Variants in ARAP2 observed in about 807,000 individuals in gnomAD.
ARAP2 encodes the protein arf-GAP with Rho-GAP domain, ANK repeat and PH domain-containing protein 2.
Under a neutral mutation model 194.5 loss-of-function variants are expected in ARAP2, and 148 were observed. The observed-to-expected ratio is 0.76, with a 90% confidence interval of 0.67 to 0.87. The LOEUF is 0.87. ARAP2 is among the 40% of genes least tolerant of loss of function. The pLI is 0.00. For synonymous variants in ARAP2, 695 were observed against 683.5 expected (o/e 1.02, Z -0.26); for missense variants, 2,128 against 1,989.7 (o/e 1.07, Z -1.32).
intron 5 of ARAP2, among the ~76,000 whole-genome samples, chr4:36,211,600 A>G (rs1248169977): frequency 1.3e-5 from 2 of 152,150 alleles, no homozygotes; most frequent in African/African-American, 2.4e-5. Flanking sequence ...AATGTTTACT[A>G]AAGATGTTTA....
Position 36,229,534 on chromosome 4 carries a change from G to C in ARAP2, c.-48C>G, listed in dbSNP as rs1560725227. On this transcript the variant is annotated 5_prime_UTR_variant, in exon 2 of 33. Transcript: ENST00000303965. ...TGAGTTACAAAAAGTGGCACGATGA[G>C]ACACACACACAAGAAGATGTACTTC... 2 of 1,421,038 alleles carry C rather than the reference G, an allele frequency of 1.4e-6. No individual in the cohort carries two copies. Among genetic ancestry groups the C allele is most frequent in the Non-Finnish European group, 1.9e-6 (2 of 1,037,536 alleles). 88.0% of individuals were successfully genotyped at this position (1,421,038 alleles called of 1,614,324 possible).
chr4:36,229,589 C>T lies in ARAP2; in HGVS notation c.-103G>A. 1 of 892,996 alleles carries T rather than the reference C, an allele frequency of 1.1e-6. No individual in the cohort carries two copies. The highest frequency in any genetic ancestry group is 1.7e-6 in the Non-Finnish European group (1 of 604,632). 55.3% of individuals were successfully genotyped at this position (892,996 alleles called of 1,614,324 possible). On this transcript the variant is annotated 5_prime_UTR_variant, in exon 2 of 33. Coordinates refer to ENST00000303965, the MANE Select transcript of ARAP2 (RefSeq NM_015230.4). ...CTGGCTTTTCCTCTATCAATTGTGA[C>T]AGAAAAGTTTCTTAAAATGTTATTT...
rs73125392 is a variant in ARAP2 at position 36,181,889 on chromosome 4, A to G, written c.1679-3884T>C. Among the ~76,000 whole-genome samples, 1,081 of 152,274 alleles carry G rather than the reference A, an allele frequency of 7.1e-3. 16 individuals carry two copies. The highest frequency in any genetic ancestry group is 0.025 in the African/African-American group (1,030 of 41,550). On this transcript the variant is annotated intron_variant, in intron 8 of 32. Transcript: ENST00000303965. ...ACACAAGATGGGGGGCCCAGGGAGT[A>G]TTATTTTGTACAGGATACATAAGAA...
At chr4:36,049,310 T>A (rs953942061) in intron 3 of ARAP2, among the ~76,000 whole-genome samples, 1 of 152,200 alleles carries the variant, frequency 6.6e-6, no homozygotes, top group South Asian at 2.1e-4. Flanking sequence ...AAAAGAAATG[T>A]ATTCAATCAT....
intron 2 of ARAP2, among the ~76,000 whole-genome samples, chr4:36,224,581 T>G (rs1057406880): frequency 4.6e-5 from 7 of 152,292 alleles, no homozygotes; most frequent in East Asian, 3.9e-4. Flanking sequence ...AATTTCAATT[T>G]TATACGTTTT....
chr4:36,080,560 G>A (rs986626780), intron 30 of ARAP2, among the ~76,000 whole-genome samples: 1 of 152,182 alleles, frequency 6.6e-6, no homozygotes, highest in African/African-American at 2.4e-5. Flanking sequence ...AAGGCAGAAA[G>A]ATTTATTTCA....
At chr4:36,166,910 A>C in intron 10 of ARAP2, 22 bp downstream of exon 10, 1 of 1,488,102 alleles carries the variant, frequency 6.7e-7, no homozygotes, top group African/African-American at 1.4e-5. Context: ...GTACGAACAC[A>C]AAATGTTTAA....
chr4:36,056,353 C>T (rs1723510637), intron 2 of ARAP2, among the ~76,000 whole-genome samples: 1 of 152,144 alleles, frequency 6.6e-6, no homozygotes. Flanking sequence ...TTTGTTGGAA[C>T]TGTAAAGAGT....
chr4:36,027,584 A>G (rs1168056866), intron 5 of ARAP2, among the ~76,000 whole-genome samples: 1 of 151,928 alleles, frequency 6.6e-6, no homozygotes, highest in Non-Finnish European at 1.5e-5. Context: ...AACCACAACA[A>G]TAACTACGAT....
chr4:36,111,670 T>C (rs192148249), intron 26 of ARAP2, among the ~76,000 whole-genome samples: 7 of 152,168 alleles, frequency 4.6e-5, no homozygotes, highest in Non-Finnish European at 2.9e-5. Context: ...TTGTATATAC[T>C]AATTATCACA....
At chr4:36,224,358 A>C (rs1419593199) in intron 2 of ARAP2, among the ~76,000 whole-genome samples, 1 of 151,922 alleles carries the variant, frequency 6.6e-6, no homozygotes, top group East Asian at 1.9e-4. Context: ...AGGTTTTCAT[A>C]ATATCTAACT....
intron 12 of ARAP2, among the ~76,000 whole-genome samples, chr4:36,160,973 G>A (rs1387892012): frequency 2.0e-5 from 3 of 152,162 alleles, no homozygotes. Context: ...AATGCTGTCT[G>A]AAGTGCTTGG....
chr4:36,159,304 C>A, intron 14 of ARAP2, 27 bp downstream of exon 14: 1 of 1,546,322 alleles, frequency 6.5e-7, no homozygotes, highest in Non-Finnish European at 8.8e-7. Flanking sequence ...CAGAAGAGAC[C>A]AGGTTAATGA....
chr4:36,068,390 G>A, intron 32 of ARAP2, 112 bp from the exon 33 acceptor site: 3 of 1,186,326 alleles, frequency 2.5e-6, no homozygotes, highest in Non-Finnish European at 3.4e-6. Flanking sequence ...TCATTTCTAT[G>A]ACTTAGGTCC....
chr4:36,169,699 CT>C (rs1736156608), intron 9 of ARAP2, among the ~76,000 whole-genome samples: 1 of 151,950 alleles, frequency 6.6e-6, no homozygotes, highest in Admixed American at 6.6e-5. Context: ...GCCCAGCTAA[CT>C]TTTTTTGTAT....
At chr4:36,222,386 A>AT (rs1231021444) in intron 2 of ARAP2, among the ~76,000 whole-genome samples, 1 of 152,150 alleles carries the variant, frequency 6.6e-6, no homozygotes, top group Non-Finnish European at 1.5e-5. Context: ...TGAACACTTC[A>AT]TATTTGTAAT....
Position 36,151,016 on chromosome 4 carries a change from T to C in ARAP2, c.2781A>G (p.Glu927=), listed in dbSNP as rs1730842463. 1 of 1,604,158 alleles carries C rather than the reference T, an allele frequency of 6.2e-7. No individual in the cohort carries two copies. The highest frequency in any genetic ancestry group is 1.7e-5 in the Admixed American group (1 of 57,966). The change falls in exon 16 of 33, where the codon GAA becomes GAG. Residue 927 remains glutamate, a synonymous_variant. Coordinates refer to ENST00000303965, the MANE Select transcript of ARAP2 (RefSeq NM_015230.4). ...EETNKKWCVL[E]GGFLSYYEND... is the part of the protein sequence containing the mutation. ...TTTCATAGTAACTCAAGAAGCCTCC[T>C]TCCAAAACACACCATTTTTTATTTG...
At chr4:36,164,819 T>A in intron 11 of ARAP2, 95 bp downstream of exon 11, 1 of 1,233,704 alleles carries the variant, frequency 8.1e-7, no homozygotes, top group Non-Finnish European at 1.2e-6. Flanking sequence ...TTACTTCTCA[T>A]AACCATTAGC....
chr4:36,063,905 T>G (rs1260272977), downstream of ARAP2, among the ~76,000 whole-genome samples: 2 of 152,258 alleles, frequency 1.3e-5, no homozygotes, highest in Non-Finnish European at 2.9e-5. Flanking sequence ...AATATCTGCA[T>G]GCTACAACCT....
Sources: gnomAD v4.1 joint callset for allele counts (sites outside exome capture counted in the v4.1 genomes callset) on GRCh38, gnomAD v4.1.1 for gene constraint, MANE v1.5 for transcripts, NCBI Gene and HGNC (gene_info 2026-07-23, HGNC 2026-07-21) for gene names.